The following DGKI variants were observed in gnomAD, a reference collection of about 807,000 sequenced individuals.
The protein encoded by DGKI is DAG kinase iota.
Under a neutral mutation model 147.5 loss-of-function variants are expected in DGKI, and 55 were observed. That is an observed-to-expected ratio of 0.37 (90% CI 0.30 to 0.47). The LOEUF is 0.47. Among genes scored for constraint, DGKI ranks in the 20% least tolerant of loss-of-function variants. The pLI is 1.00. For missense variants in DGKI, 1,007 were observed against 1,323.8 expected, an observed-to-expected ratio of 0.76 and a Z score of 3.71; for synonymous variants, 469 against 477.1, an observed-to-expected ratio of 0.98 and a Z score of 0.22.
At chr7:137,743,458 A>G (rs1795237371) in intron 1 of DGKI, among the ~76,000 whole-genome samples, 1 of 152,250 alleles carries the variant, frequency 6.6e-6, no homozygotes, top group Non-Finnish European at 1.5e-5. Context: ...GATTAAAAAT[A>G]GAAATCAACA....
At chr7:137,573,487 C>T (rs1054089420) in intron 17 of DGKI, among the ~76,000 whole-genome samples, 2 of 152,214 alleles carry the variant, frequency 1.3e-5, no homozygotes, top group African/African-American at 4.8e-5. Flanking sequence ...TCACTGCAAC[C>T]TCAGCCTGCC....
chr7:137,634,092 T>C (rs1475123853), intron 6 of DGKI, among the ~76,000 whole-genome samples: 4 of 152,128 alleles, frequency 2.6e-5, no homozygotes, highest in Non-Finnish European at 5.9e-5. Flanking sequence ...TCCTCTCCAA[T>C]CTAAAGAAAA....
chr7:137,749,087 T>C (rs1466021227), intron 1 of DGKI, among the ~76,000 whole-genome samples: 1 of 152,108 alleles, frequency 6.6e-6, no homozygotes, highest in Non-Finnish European at 1.5e-5. Context: ...TTCACAAGAG[T>C]GATCAGCAAC....
At chr7:137,678,485 T>C (rs1447334983) in intron 3 of DGKI, 72 bp downstream of exon 3, 3 of 1,462,346 alleles carry the variant, frequency 2.1e-6, no homozygotes, top group Non-Finnish European at 2.9e-6. Flanking sequence ...CCCTTGGAAA[T>C]TTAGGCAAGG....
At chr7:137,534,186 T>C (rs979720966) in intron 20 of DGKI, among the ~76,000 whole-genome samples, 1 of 152,116 alleles carries the variant, frequency 6.6e-6, no homozygotes, top group South Asian at 2.1e-4. Flanking sequence ...AAAACGAACA[T>C]CTAGGTTTCT....
At chr7:137,697,428 A>G (rs1823827633) in intron 1 of DGKI, among the ~76,000 whole-genome samples, 1 of 152,258 alleles carries the variant, frequency 6.6e-6, no homozygotes, top group Non-Finnish European at 1.5e-5. Context: ...TAACAAGTAG[A>G]GAAGACAAAT....
At chr7:137,427,935 C>T (rs535807031) in intron 28 of DGKI, among the ~76,000 whole-genome samples, 2 of 150,480 alleles carry the variant, frequency 1.3e-5, no homozygotes, top group African/African-American at 2.4e-5. Flanking sequence ...AAAGAGTCCA[C>T]GACCAGATGG....
chr7:137,711,278 C>T (rs752214346), intron 1 of DGKI, among the ~76,000 whole-genome samples: 10 of 152,184 alleles, frequency 6.6e-5, no homozygotes, highest in Admixed American at 1.3e-4. Flanking sequence ...CTGGTATATA[C>T]ACACAAGATG....
chr7:137,736,953 T>C (rs988959860), intron 1 of DGKI, among the ~76,000 whole-genome samples: 1 of 152,066 alleles, frequency 6.6e-6, no homozygotes, highest in Non-Finnish European at 1.5e-5. Context: ...TAATAATCTT[T>C]GTTATCTCTT....
chr7:137,595,589 C>G (rs1164559203), intron 12 of DGKI, among the ~76,000 whole-genome samples: 15 of 152,154 alleles, frequency 9.9e-5, no homozygotes, highest in Admixed American at 8.5e-4. Context: ...GGACTTGGCT[C>G]TCTTTCCTCT....
chr7:137,545,603 T>C (rs1281287565), intron 20 of DGKI, among the ~76,000 whole-genome samples: 1 of 152,234 alleles, frequency 6.6e-6, no homozygotes, highest in Non-Finnish European at 1.5e-5. Context: ...CTAACGGTAT[T>C]ATGCACTTCC....
intron 29 of DGKI, among the ~76,000 whole-genome samples, chr7:137,410,923 T>C (rs544351287): frequency 6.6e-6 from 1 of 152,250 alleles, no homozygotes; most frequent in South Asian, 2.1e-4. Context: ...CTATTGACAC[T>C]ATGATCTGGG....
chr7:137,629,454 G>A (rs1308078732), intron 6 of DGKI, among the ~76,000 whole-genome samples: 1 of 152,138 alleles, frequency 6.6e-6, no homozygotes, highest in Admixed American at 6.5e-5. Context: ...CCTCAAACTG[G>A]TTGTGGTGTT....
chr7:137,610,508 C>A (rs897676635), intron 8 of DGKI, among the ~76,000 whole-genome samples: 4 of 152,124 alleles, frequency 2.6e-5, no homozygotes, highest in Non-Finnish European at 4.4e-5. Flanking sequence ...AAGATAAAAA[C>A]AGATTTAATT....
intron 12 of DGKI, among the ~76,000 whole-genome samples, chr7:137,591,074 C>T (rs1288568965): frequency 2.6e-5 from 4 of 152,244 alleles, no homozygotes; most frequent in South Asian, 2.1e-4. Context: ...CAGGAGTTCT[C>T]GTGATACTGA....
At chr7:137,616,367 C>A (rs1274072385) in intron 8 of DGKI, among the ~76,000 whole-genome samples, 1 of 152,148 alleles carries the variant, frequency 6.6e-6, no homozygotes, top group Non-Finnish European at 1.5e-5. Context: ...ATTATTATTA[C>A]TACATTGTCC....
intron 1 of DGKI, among the ~76,000 whole-genome samples, chr7:137,811,780 T>C (rs1306679722): frequency 6.6e-6 from 1 of 152,238 alleles, no homozygotes; most frequent in Non-Finnish European, 1.5e-5. Flanking sequence ...TCCTTTATCA[T>C]CTGTGCTAAA....
intron 1 of DGKI, among the ~76,000 whole-genome samples, chr7:137,768,989 G>A (rs1796098525): frequency 1.3e-5 from 2 of 152,146 alleles, no homozygotes; most frequent in East Asian, 1.9e-4. Context: ...GAAAATACCA[G>A]TCACTATAAG....
In DGKI at chr7:137,389,437, A is replaced by C. The variant is rs923905617; in HGVS notation, c.*1783T>G. ...ATAGCCGCACTTTCAAAATGATGAT[A>C]TGTTACCGAAATGTGACTCAGATAA... On this transcript the variant is annotated 3_prime_UTR_variant, in exon 33 of 33. Coordinates refer to ENST00000614521, the MANE Select transcript of DGKI (RefSeq NM_001321708.2). 4 of 152,196 alleles carry C rather than the reference A, an allele frequency of 2.6e-5. No homozygotes were observed. Among genetic ancestry groups the C allele is most frequent in the Non-Finnish European group, 5.9e-5 (4 of 68,036 alleles). 9.4% of individuals were successfully genotyped at this position (152,196 alleles called of 1,614,324 possible).
Sources: gnomAD v4.1 joint callset for allele counts (sites outside exome capture counted in the v4.1 genomes callset) on GRCh38, gnomAD v4.1.1 for gene constraint, MANE v1.5 for transcripts, NCBI Gene and HGNC (gene_info 2026-07-23, HGNC 2026-07-21) for gene names.